DCC: variants seen among roughly 807,000 people sequenced by gnomAD.
DCC encodes DCC netrin 1 receptor.
DCC carries 58 observed loss-of-function variants against 172.5 expected under a neutral mutation model. That is an observed-to-expected ratio of 0.34 (90% CI 0.27 to 0.42). The LOEUF is 0.42. Ranked by LOEUF, DCC falls within the 10% of genes least tolerant of loss-of-function variation. The pLI is 1.00. For missense variants in DCC, 1,740 were observed against 1,791.0 expected (o/e 0.97, Z 0.51); for synonymous variants, 709 against 644.5 (o/e 1.10, Z -1.52).
At chr18:53,385,900 T>A (rs1029865085) in intron 15 of DCC, 143 bp from the exon 16 acceptor site, 1 of 688,372 alleles carries the variant, frequency 1.5e-6, no homozygotes, top group East Asian at 2.7e-5. Flanking sequence ...ACTGCCACTT[T>A]CCTTTCTGAA....
Position 53,142,979 on chromosome 18 carries a change from C to T in DCC, c.1262-14377C>T, listed in dbSNP as rs1016582607. ...GGGTATATCCAAAGTTTTTTTCATC[C>T]TTTAGACTGGTATTCTTTTTGGAAA... On this transcript the variant is annotated intron_variant, in intron 7 of 28. Coordinates refer to ENST00000442544, the MANE Select transcript of DCC (RefSeq NM_005215.4). 2.6e-5 allele frequency among the ~76,000 whole-genome samples: 4 copies of T among 151,940 alleles called. No homozygotes were observed. In the South Asian group the frequency reaches 8.3e-4, roughly 32 times the overall value.
intron 1 of DCC, among the ~76,000 whole-genome samples, chr18:52,362,186 C>A (rs1984647108): frequency 6.6e-6 from 1 of 152,208 alleles, no homozygotes; most frequent in Non-Finnish European, 1.5e-5. Flanking sequence ...TCAAGGATGG[C>A]AGTCCTGTTT....
At chr18:52,467,203 C>T (rs1988811509) in intron 1 of DCC, among the ~76,000 whole-genome samples, 1 of 152,026 alleles carries the variant, frequency 6.6e-6, no homozygotes, top group South Asian at 2.1e-4. Context: ...CCTAGTCCCC[C>T]ACCCCCCGAC....
intron 27 of DCC, among the ~76,000 whole-genome samples, chr18:53,520,494 G>T (rs899563287): frequency 2.0e-5 from 3 of 152,032 alleles, no homozygotes; most frequent in African/African-American, 4.8e-5. Flanking sequence ...AAGATTAAAG[G>T]CATGTCTCAT....
chr18:52,491,826 G>C (rs190731549), intron 1 of DCC, among the ~76,000 whole-genome samples: 2 of 152,186 alleles, frequency 1.3e-5, no homozygotes, highest in East Asian at 3.9e-4. Flanking sequence ...TTTAAGGATG[G>C]CCAGGGAAGA....
At chr18:52,385,714 C>T (rs371513300) in intron 1 of DCC, among the ~76,000 whole-genome samples, 47 of 151,962 alleles carry the variant, frequency 3.1e-4, no homozygotes, top group African/African-American at 9.9e-4. Flanking sequence ...CTTGGAAAGT[C>T]GAATCTAAAG....
chr18:52,425,051 C>T (rs548762280), intron 1 of DCC, among the ~76,000 whole-genome samples: 1 of 152,084 alleles, frequency 6.6e-6, no homozygotes, highest in South Asian at 2.1e-4. Flanking sequence ...ACATTGTACC[C>T]ATTAAGTAAT....
chr18:52,850,864 CTG>C (rs971821133), intron 2 of DCC, among the ~76,000 whole-genome samples: 3 of 152,040 alleles, frequency 2.0e-5, no homozygotes. Context: ...ATCTAGAGGG[CTG>C]TTTAACCAGG....
chr18:53,079,962 C>A (rs2042776080), intron 7 of DCC, among the ~76,000 whole-genome samples: 1 of 152,062 alleles, frequency 6.6e-6, no homozygotes, highest in African/African-American at 2.4e-5. Flanking sequence ...TTTGTCTAGA[C>A]TATGTGGGAT....
chr18:52,586,604 T>A (rs1462222168), intron 1 of DCC, among the ~76,000 whole-genome samples: 1 of 152,222 alleles, frequency 6.6e-6, no homozygotes. Context: ...CAGAAGGTAA[T>A]GTTGCAGGAA....
intron 1 of DCC, among the ~76,000 whole-genome samples, chr18:52,382,386 T>C (rs1286572429): frequency 6.6e-6 from 1 of 152,172 alleles, no homozygotes; most frequent in Non-Finnish European, 1.5e-5. Context: ...ACTAATACTT[T>C]TGTTATATTC....
chr18:52,452,290 A>C (rs1220024282), intron 1 of DCC, among the ~76,000 whole-genome samples: 2 of 152,228 alleles, frequency 1.3e-5, no homozygotes, highest in African/African-American at 2.4e-5. Context: ...TCTACAAATA[A>C]AACCCTACTC....
chr18:53,315,030 G>A (rs1366033173), intron 13 of DCC, among the ~76,000 whole-genome samples: 1 of 152,060 alleles, frequency 6.6e-6, no homozygotes, highest in African/African-American at 2.4e-5. Flanking sequence ...TTGTTGCATA[G>A]GTATACACAT....
chr18:53,211,760 A>G (rs1365008792), intron 11 of DCC, among the ~76,000 whole-genome samples: 1 of 152,056 alleles, frequency 6.6e-6, no homozygotes, highest in East Asian at 1.9e-4. Context: ...TAAAATAAAT[A>G]TGAATTACTG....
Position 52,924,158 on chromosome 18 carries a change from A to G in DCC, c.848+301A>G, listed in dbSNP as rs559962996. On this transcript the variant is annotated intron_variant, in intron 4 of 28. Transcript: ENST00000442544. ...CAGCAGAGAAATTTTGGTGGATTCC[A>G]TTATAAGAAAGTGGTATATAGAGAG... Among the ~76,000 whole-genome samples the G allele has an allele frequency of 2.6e-5, 4 of 152,228 alleles. No individual in the cohort carries two copies. The East Asian group carries it at 5.8e-4, about 22-fold the overall frequency.
At chr18:53,006,570 G>A (rs761794600) in intron 5 of DCC, among the ~76,000 whole-genome samples, 23 of 152,200 alleles carry the variant, frequency 1.5e-4, no homozygotes, top group Admixed American at 2.6e-4. Context: ...ATGTGGAACT[G>A]AAGAATCCCA....
chr18:52,647,851 G>A (rs981657756), intron 1 of DCC, among the ~76,000 whole-genome samples: 5 of 152,142 alleles, frequency 3.3e-5, no homozygotes, highest in African/African-American at 1.2e-4. Context: ...CAGGGAATCT[G>A]GGGAGTAGAG....
At chr18:53,329,228 G>T (rs377467493) in intron 14 of DCC, among the ~76,000 whole-genome samples, 51 of 152,146 alleles carry the variant, frequency 3.4e-4, no homozygotes, top group African/African-American at 1.2e-3. Context: ...TTTGTTTTAA[G>T]ATCCAAACAA....
chr18:52,881,608 C>T (rs1042882189), intron 2 of DCC, among the ~76,000 whole-genome samples: 1 of 151,988 alleles, frequency 6.6e-6, no homozygotes, highest in Non-Finnish European at 1.5e-5. Context: ...AAATGATTTA[C>T]TGTAAGTATA....
Sources: allele counts gnomAD v4.1 joint callset (sites outside exome capture counted in the v4.1 genomes callset), GRCh38; gene constraint gnomAD v4.1.1; transcripts MANE v1.5; gene names NCBI Gene and HGNC (gene_info 2026-07-23, HGNC 2026-07-21).